ADAMTSL1: variants seen among roughly 807,000 people sequenced by gnomAD.
The protein encoded by ADAMTSL1 is ADAMTS like 1.
A neutral mutation model predicts 201.8 loss-of-function variants in ADAMTSL1; 126 were observed. That is an observed-to-expected ratio of 0.62 (90% confidence interval 0.54 to 0.72). The LOEUF is 0.72. ADAMTSL1 is among the 30% of genes least tolerant of loss of function. ADAMTSL1 has a pLI of 0.00. For missense variants in ADAMTSL1, 2,679 were observed against 2,277.8 expected (o/e 1.18, Z -3.59); for synonymous variants, 1,121 against 903.4 (o/e 1.24, Z -4.32).
chr9:18,746,707 C>T (rs1819165799), intron 15 of ADAMTSL1, among the ~76,000 whole-genome samples: 2 of 151,404 alleles, frequency 1.3e-5, no homozygotes. Flanking sequence ...CAGTCATCAC[C>T]CTCTCTGAAA....
chr9:18,445,291 T>C (rs939699283), intron 2 of ADAMTSL1, among the ~76,000 whole-genome samples: 9 of 152,194 alleles, frequency 5.9e-5, no homozygotes, highest in South Asian at 2.1e-4. Flanking sequence ...ATATATGTTT[T>C]ATCCTTGGGG....
chr9:18,287,516 AAT>A (rs959956426), intron 2 of ADAMTSL1, among the ~76,000 whole-genome samples: 6 of 151,624 alleles, frequency 4.0e-5, no homozygotes, highest in East Asian at 1.9e-4. Flanking sequence ...GCACATATGT[AAT>A]ATATTTACAT....
intron 2 of ADAMTSL1, among the ~76,000 whole-genome samples, chr9:18,246,350 G>T (rs1193651121): frequency 2.0e-5 from 3 of 151,878 alleles, no homozygotes; most frequent in Admixed American, 2.0e-4. Context: ...TAGAAAAGGG[G>T]GTATACTGAA....
intron 2 of ADAMTSL1, among the ~76,000 whole-genome samples, chr9:18,454,651 G>C: frequency 6.6e-6 from 1 of 152,108 alleles, no homozygotes; most frequent in East Asian, 1.9e-4. Context: ...AGAAAACAGA[G>C]TTCCAATCCC....
At chr9:18,557,579 T>G (rs1270911333) in intron 3 of ADAMTSL1, among the ~76,000 whole-genome samples, 2 of 152,004 alleles carry the variant, frequency 1.3e-5, no homozygotes, top group Non-Finnish European at 2.9e-5. Context: ...AAATACACCA[T>G]GTTGTCAGGA....
At chr9:18,022,892 C>T (rs2131586549) in intron 1 of ADAMTSL1, among the ~76,000 whole-genome samples, 1 of 152,136 alleles carries the variant, frequency 6.6e-6, no homozygotes, top group African/African-American at 2.4e-5. Flanking sequence ...ATCATGTTGC[C>T]TAGGTAAGAA....
chr9:18,405,483 G>T (rs1300206464), intron 2 of ADAMTSL1, among the ~76,000 whole-genome samples: 1 of 152,086 alleles, frequency 6.6e-6, no homozygotes, highest in African/African-American at 2.4e-5. Context: ...CATTCTACAG[G>T]TTTGGCATTG....
At chr9:18,249,811 A>G (rs559918928) in intron 2 of ADAMTSL1, among the ~76,000 whole-genome samples, 1 of 152,248 alleles carries the variant, frequency 6.6e-6, no homozygotes, top group South Asian at 2.1e-4. Context: ...ATTTTTTGGA[A>G]GGGAGAGTTC....
chr9:17,963,237 C>A (rs1817830282), intron 1 of ADAMTSL1, among the ~76,000 whole-genome samples: 1 of 152,048 alleles, frequency 6.6e-6, no homozygotes, highest in South Asian at 2.1e-4. Context: ...CTTAGCTATC[C>A]CTGAATAAAT....
intron 2 of ADAMTSL1, among the ~76,000 whole-genome samples, chr9:18,296,979 C>G (rs551514255): frequency 1.3e-5 from 2 of 152,266 alleles, no homozygotes; most frequent in African/African-American, 4.8e-5. Context: ...AGAACTGCCA[C>G]TGGCCACCAC....
intron 20 of ADAMTSL1, among the ~76,000 whole-genome samples, chr9:18,815,520 A>C (rs1823780519): frequency 6.6e-6 from 1 of 151,256 alleles, no homozygotes; most frequent in African/African-American, 2.4e-5. Context: ...GAAACCCTGT[A>C]TCTACAAAAA....
At chr9:18,859,429 G>T (rs528711469) in intron 23 of ADAMTSL1, among the ~76,000 whole-genome samples, 3 of 152,142 alleles carry the variant, frequency 2.0e-5, no homozygotes, top group Non-Finnish European at 2.9e-5. Flanking sequence ...CCCCATCTCA[G>T]TATTCTTTCT....
At chr9:18,187,269 A>C (rs887165003) in intron 2 of ADAMTSL1, among the ~76,000 whole-genome samples, 2 of 152,160 alleles carry the variant, frequency 1.3e-5, no homozygotes, top group African/African-American at 4.8e-5. Flanking sequence ...GATGATGGTG[A>C]AAACACAATG....
In ADAMTSL1 at chr9:18,753,049, C is replaced by T. The variant is rs140204600; in HGVS notation, c.2007-249C>T. Among the ~76,000 whole-genome samples the T allele has an allele frequency of 9.7e-4, 147 of 152,192 alleles. 1 individual carries two copies. The highest frequency in any genetic ancestry group is 3.3e-3 in the African/African-American group (138 of 41,504). ...GCCATCAGAATAAACATGGTTGTAA[C>T]CATTATTGGTGATTTTGTGGGTAAA... On this transcript the variant is annotated intron_variant, in intron 15 of 28. Coordinates refer to ENST00000380548, the MANE Select transcript of ADAMTSL1 (RefSeq NM_001040272.6).
chr9:17,969,864 G>A (rs1308446297), intron 1 of ADAMTSL1, among the ~76,000 whole-genome samples: 1 of 152,042 alleles, frequency 6.6e-6, no homozygotes, highest in African/African-American at 2.4e-5. Context: ...ATGCAAACTT[G>A]TTTTGGTGTT....
chr9:18,281,613 A>C (rs1045858133), intron 2 of ADAMTSL1, among the ~76,000 whole-genome samples: 2 of 152,254 alleles, frequency 1.3e-5, no homozygotes, highest in African/African-American at 4.8e-5. Context: ...TCAGTAACTA[A>C]GGTATAAGAA....
At chr9:18,605,326 T>A (rs1191610580) in intron 4 of ADAMTSL1, among the ~76,000 whole-genome samples, 2 of 152,212 alleles carry the variant, frequency 1.3e-5, no homozygotes, top group East Asian at 3.8e-4. Context: ...AATGACTGCT[T>A]ACAAAATGAG....
At chr9:18,524,877 A>C (rs760089344) in intron 2 of ADAMTSL1, among the ~76,000 whole-genome samples, 4 of 152,200 alleles carry the variant, frequency 2.6e-5, no homozygotes. Flanking sequence ...ATCGATGTTC[A>C]TCAGGGATAT....
At chr9:18,375,606 C>T (rs940734829) in intron 2 of ADAMTSL1, among the ~76,000 whole-genome samples, 1 of 152,122 alleles carries the variant, frequency 6.6e-6, no homozygotes, top group African/African-American at 2.4e-5. Flanking sequence ...TTTGTGGTCT[C>T]GCTGACTTCA....
Sources: gnomAD v4.1 joint callset for allele counts (sites outside exome capture counted in the v4.1 genomes callset) on GRCh38, gnomAD v4.1.1 for gene constraint, MANE v1.5 for transcripts, NCBI Gene and HGNC (gene_info 2026-07-23, HGNC 2026-07-21) for gene names.